The following ALMS1 variants were observed in gnomAD, a reference collection of about 807,000 sequenced individuals.
ALMS1 encodes ALMS1 centrosome and basal body associated protein.
ALMS1 carries 271 observed loss-of-function variants against 352.2 expected under a neutral mutation model. The observed-to-expected ratio is 0.77, with a 90% CI of 0.70 to 0.85. The LOEUF (loss-of-function observed/expected upper bound fraction) is 0.85, where lower values mean the gene tolerates loss of function less well. Ranked by LOEUF, ALMS1 falls within the 40% of genes least tolerant of loss-of-function variation. The probability of loss-of-function intolerance (pLI) is 0.00; values close to 1 mark genes in which losing one functional copy is unlikely to be tolerated. For missense variants in ALMS1, 5,445 were observed against 4,870.7 expected (o/e 1.12, Z -3.51); for synonymous variants, 1,865 against 1,761.2 (o/e 1.06, Z -1.48).
chr2:73,387,445 G>A (rs1670562435), intron 1 of ALMS1, among the ~76,000 whole-genome samples: 1 of 152,200 alleles, frequency 6.6e-6, no homozygotes, highest in African/African-American at 2.4e-5. Flanking sequence ...CCTTCTTGAG[G>A]AGGTTATGAT....
intron 10 of ALMS1, among the ~76,000 whole-genome samples, chr2:73,515,196 C>T (rs901384332): frequency 1.1e-4 from 16 of 152,040 alleles, no homozygotes; most frequent in African/African-American, 3.4e-4. Context: ...TGTCTATTTG[C>T]TTCTACTACA....
intron 1 of ALMS1, among the ~76,000 whole-genome samples, chr2:73,393,690 G>C (rs1670698655): frequency 6.6e-6 from 1 of 152,056 alleles, no homozygotes; most frequent in Admixed American, 6.6e-5. Flanking sequence ...TAAAGAGGCT[G>C]TTCTTTTCCC....
At chr2:73,573,814 AACAC>A (rs200713769) in intron 16 of ALMS1, among the ~76,000 whole-genome samples, 6 of 151,080 alleles carry the variant, frequency 4.0e-5, no homozygotes, top group Middle Eastern at 6.8e-3. Context: ...GGTTCTTTTA[AACAC>A]ACACACACAG....
At chr2:73,546,636 T>G (rs1674326237) in intron 12 of ALMS1, among the ~76,000 whole-genome samples, 1 of 152,206 alleles carries the variant, frequency 6.6e-6, no homozygotes, top group Non-Finnish European at 1.5e-5. Flanking sequence ...TTTTACGAAC[T>G]TATGAAGATC....
At position 73,603,269 on chromosome 2, in the gene ALMS1, T is replaced by C; in HGVS notation, c.12327T>C (p.Pro4109=). The part of the protein sequence containing the change: ...RVFLAIQKNK[P]ISKKEMIQRS... ...TCCTGGCTATCCAGAAGAACAAGCC[T>C]ATCAGCAAGAAGGAAATGATTCAGA... The change falls in exon 21 of 23, where the codon CCT becomes CCC. Residue 4109 remains proline (P), a synonymous_variant. Coordinates refer to ENST00000613296, the MANE Select transcript of ALMS1 (RefSeq NM_001378454.1). 6.2e-7 allele frequency: 1 copy of C among 1,614,146 alleles called. No individual in the cohort carries two copies. Among genetic ancestry groups the C allele is most frequent in the Non-Finnish European group, 8.5e-7 (1 of 1,180,008 alleles).
intron 16 of ALMS1, among the ~76,000 whole-genome samples, chr2:73,579,637 T>C (rs555486154): frequency 1.1e-4 from 16 of 152,308 alleles, no homozygotes; most frequent in African/African-American, 3.8e-4. Flanking sequence ...CCTTTATTCT[T>C]AAAGTTTTGC....
At chr2:73,423,668 A>T (rs1671325321) in intron 4 of ALMS1, among the ~76,000 whole-genome samples, 1 of 152,198 alleles carries the variant, frequency 6.6e-6, no homozygotes, top group African/African-American at 2.4e-5. Context: ...TATCACTTTT[A>T]TGAAAAGTGA....
intron 9 of ALMS1, among the ~76,000 whole-genome samples, chr2:73,484,224 T>G (rs1672776974): frequency 6.6e-6 from 1 of 151,814 alleles, no homozygotes; most frequent in South Asian, 2.1e-4. Flanking sequence ...GTTGTTCCTT[T>G]CCATGTTTAG....
intron 13 of ALMS1, among the ~76,000 whole-genome samples, chr2:73,556,684 G>T (rs1300162414): frequency 6.8e-6 from 1 of 148,076 alleles, no homozygotes; most frequent in Non-Finnish European, 1.5e-5. Context: ...TCAAGGAACA[G>T]ATTTTTTTTA....
chr2:73,423,064 A>C, intron 4 of ALMS1, 90 bp downstream of exon 4: 1 of 1,164,778 alleles, frequency 8.6e-7, no homozygotes, highest in Non-Finnish European at 1.3e-6. Context: ...TGGGACTTTG[A>C]GGTGGGGCTT....
intron 12 of ALMS1, among the ~76,000 whole-genome samples, chr2:73,543,694 C>T (rs1156326996): frequency 6.6e-6 from 1 of 152,072 alleles, no homozygotes; most frequent in South Asian, 2.1e-4. Flanking sequence ...ACCCCATCAA[C>T]AAGTGGGCGA....
chr2:73,602,098 G>C (rs895792442), intron 19 of ALMS1, 87 bp from the exon 20 acceptor site: 1 of 1,356,844 alleles, frequency 7.4e-7, no homozygotes, highest in Non-Finnish European at 1.0e-6. Flanking sequence ...CAAACCTCTT[G>C]GGCAGGTGGT....
At chr2:73,393,222 A>C (rs1670685728) in intron 1 of ALMS1, among the ~76,000 whole-genome samples, 1 of 152,204 alleles carries the variant, frequency 6.6e-6, no homozygotes, top group African/African-American at 2.4e-5. Flanking sequence ...GGGATTGACA[A>C]GATACAGTCC....
chr2:73,509,231 G>A (rs1196912094), intron 10 of ALMS1, among the ~76,000 whole-genome samples: 1 of 151,992 alleles, frequency 6.6e-6, no homozygotes, highest in Non-Finnish European at 1.5e-5. Context: ...TTTAATTGGG[G>A]CATTTAGCTC....
In ALMS1 at chr2:73,489,640, C is replaced by G; in HGVS notation, c.7681C>G (p.Gln2561Glu). The G allele has an allele frequency of 6.2e-7, 1 of 1,614,102 alleles. No homozygotes were observed. The highest frequency in any genetic ancestry group is 8.5e-7 in the Non-Finnish European group (1 of 1,180,024). ...GTTTGTTTGTATCTTCTAGGGTTTA[C>G]AGAGTCCACGGGGAATGGGATGCAA... ...GRTTDLSKGL[Q>E]SPRGMGCKPE... is the part of the protein sequence containing the mutation. The change falls in exon 10 of 23, where the codon CAG (glutamine) becomes GAG (glutamate). Residue 2561 changes from glutamine (Q) to glutamate (E), a missense_variant. Transcript: ENST00000613296.
intron 1 of ALMS1, among the ~76,000 whole-genome samples, chr2:73,390,407 T>G (rs1273639905): frequency 6.6e-6 from 1 of 152,202 alleles, no homozygotes; most frequent in Non-Finnish European, 1.5e-5. Flanking sequence ...AATGACAAAA[T>G]TGTGTTATTC....
chr2:73,432,134 T>C (rs1671511969), intron 6 of ALMS1, 64 bp from the exon 7 acceptor site: 7 of 1,193,302 alleles, frequency 5.9e-6, no homozygotes, highest in Admixed American at 1.7e-5. Context: ...CGTAGGTGGG[T>C]CATTCTAATC....
intron 12 of ALMS1, among the ~76,000 whole-genome samples, chr2:73,539,832 A>G (rs1674125141): frequency 6.6e-6 from 1 of 152,214 alleles, no homozygotes; most frequent in South Asian, 2.1e-4. Flanking sequence ...AGAAAAAAGA[A>G]TAAAAAGAAA....
intron 7 of ALMS1, among the ~76,000 whole-genome samples, chr2:73,440,251 C>T (rs530091323): frequency 7.9e-5 from 12 of 151,066 alleles, no homozygotes; most frequent in South Asian, 2.1e-4. Context: ...CCAAAGTGCT[C>T]GTATTACAGG....
Sources: allele counts gnomAD v4.1 joint callset (sites outside exome capture counted in the v4.1 genomes callset), GRCh38; gene constraint gnomAD v4.1.1; transcripts MANE v1.5; gene names NCBI Gene and HGNC (gene_info 2026-07-23, HGNC 2026-07-21).